HSP90AA1: variants seen among roughly 807,000 people sequenced by gnomAD.
HSP90AA1 encodes heat shock protein 90 alpha family class A member 1, also known as heat shock protein HSP 90-alpha.
In HSP90AA1, 18 loss-of-function variants were observed where a neutral mutation model predicts 73.3. The ratio of observed to expected loss-of-function variants is 0.25; its 90% CI spans 0.17 to 0.36. The LOEUF (loss-of-function observed/expected upper bound fraction) is 0.36. HSP90AA1 is among the 10% of genes least tolerant of loss of function. The pLI, the probability that HSP90AA1 is intolerant of heterozygous loss-of-function variation, is 1.00. For synonymous variants in HSP90AA1, 477 were observed against 296.9 expected, an observed-to-expected ratio of 1.61 and a Z score of -6.24; for missense variants, 704 against 874.2, an observed-to-expected ratio of 0.81 and a Z score of 2.45.
At chr14:102,096,576 C>T (rs1035654621) in intron 2 of HSP90AA1, among the ~76,000 whole-genome samples, 1 of 152,238 alleles carries the variant, frequency 6.6e-6, no homozygotes, top group African/African-American at 2.4e-5. Flanking sequence ...GCCAAATTCA[C>T]TCTGGATGCC....
intron 2 of HSP90AA1, among the ~76,000 whole-genome samples, chr14:102,096,743 G>A (rs1243241838): frequency 3.3e-5 from 5 of 152,212 alleles, no homozygotes; most frequent in Non-Finnish European, 7.3e-5. Flanking sequence ...CCCAAAGGCC[G>A]TGATAAACCT....
chr14:102,116,178 C>T (rs1220382771), intron 1 of HSP90AA1, among the ~76,000 whole-genome samples: 1 of 151,984 alleles, frequency 6.6e-6, no homozygotes, highest in Non-Finnish European at 1.5e-5. Flanking sequence ...TGGTCTCGAT[C>T]TCCTGACCTC....
rs375492660 is a variant in HSP90AA1 at position 102,081,469 on chromosome 14, G to A, written c.*243C>T. On this transcript the variant is annotated 3_prime_UTR_variant, in exon 11 of 11. Transcript: ENST00000216281. ...CATCATGTTACATACGTCTTACAGT[G>A]CACGTTACCCCAATCTGTGAAAATA... The A allele has an allele frequency of 1.7e-6, 1 of 573,884 alleles. No individual in the cohort carries two copies. Among genetic ancestry groups the A allele is most frequent in the Non-Finnish European group, 3.1e-6 (1 of 322,142 alleles). The allele number at this position is 573,884 out of a possible 1,614,324, so 35.5% of individuals were successfully genotyped here.
At position 102,086,350 on chromosome 14, in the gene HSP90AA1, T is replaced by G. The variant is rs1473027875; in HGVS notation, c.29A>C (p.Gln10Pro). 2.5e-6 allele frequency: 4 copies of G among 1,614,072 alleles called. No homozygotes were observed. The African/African-American group carries it at 4.0e-5, about 16-fold the overall frequency. MPEETQTQD[Q>P]PMEEEEVETF... ...CTCAACCTCCTCCTCCTCCATCGGT[T>G]GGTCTTGGGTCTGGGTTTCCTCAGG... Residue 10 changes from glutamine to proline, a missense_variant, in exon 2 of 11, where the codon CAA (glutamine) becomes CCA (proline). Coordinates refer to ENST00000216281, the MANE Select transcript of HSP90AA1 (RefSeq NM_005348.4).
chr14:102,094,831 CG>C (rs916263477), intron 2 of HSP90AA1, among the ~76,000 whole-genome samples: 28 of 152,074 alleles, frequency 1.8e-4, no homozygotes, highest in African/African-American at 6.8e-4. Context: ...CAGTCTGACC[CG>C]CATCCACTCT....
intron 1 of HSP90AA1, among the ~76,000 whole-genome samples, chr14:102,107,274 CCT>C (rs1312461904): frequency 1.3e-5 from 2 of 151,902 alleles, no homozygotes; most frequent in Admixed American, 1.3e-4. Context: ...TGTTAGAATC[CCT>C]GTTTCCTACA....
intron 2 of HSP90AA1, among the ~76,000 whole-genome samples, chr14:102,092,052 T>C (rs2049365621): frequency 6.6e-6 from 1 of 152,068 alleles, no homozygotes; most frequent in Non-Finnish European, 1.5e-5. Context: ...TTGGAGGTTT[T>C]TCAGATTTTT....
At chr14:102,131,290 C>G (rs899918323) in intron 1 of HSP90AA1, among the ~76,000 whole-genome samples, 2 of 152,212 alleles carry the variant, frequency 1.3e-5, no homozygotes, top group Non-Finnish European at 2.9e-5. Context: ...ATTTCTCCCA[C>G]AAGCCACATC....
chr14:102,081,344 TTTC>T lies in HSP90AA1; in HGVS notation c.*365_*367del. The T allele has an allele frequency of 2.9e-6, 1 of 344,920 alleles. No homozygotes were observed. The highest frequency in any genetic ancestry group is 5.4e-6 in the Non-Finnish European group (1 of 186,298). The allele number at this position is 344,920 out of a possible 1,614,324, so 21.4% of individuals were successfully genotyped here. A position where few individuals can be genotyped will look rare whatever the true frequency, so the allele number is the denominator to read the frequency against. Reference sequence around the variant, plus strand: ...GATCCTACAAGATGTAACGAATACTTTTCTAAACATCAAGATACAGCTCAGAAC... The same window carrying T: ...GATCCTACAAGATGTAACGAATACTTTAAACATCAAGATACAGCTCAGAAC... On this transcript the variant is annotated 3_prime_UTR_variant, in exon 11 of 11. Transcript: ENST00000216281.
At chr14:102,089,244 G>T (rs1321862080), upstream of HSP90AA1, among the ~76,000 whole-genome samples, 1 of 152,144 alleles carries the variant, frequency 6.6e-6, no homozygotes, top group Non-Finnish European at 1.5e-5. Context: ...TTTGTCCTTT[G>T]TTTTGGGGAC....
At chr14:102,117,523 A>T (rs2049722416) in intron 1 of HSP90AA1, among the ~76,000 whole-genome samples, 1 of 151,802 alleles carries the variant, frequency 6.6e-6, no homozygotes, top group South Asian at 2.1e-4. Flanking sequence ...TGACCTGCTT[A>T]GCAGAGAGGA....
At chr14:102,129,416 T>TGGGC (rs2152626400) in intron 1 of HSP90AA1, among the ~76,000 whole-genome samples, 1 of 152,244 alleles carries the variant, frequency 6.6e-6, no homozygotes, top group South Asian at 2.1e-4. Flanking sequence ...AAAGAAACCC[T>TGGGC]GGGCTCATTA....
intron 1 of HSP90AA1, among the ~76,000 whole-genome samples, chr14:102,110,179 T>C (rs992403102): frequency 2.0e-5 from 3 of 152,080 alleles, no homozygotes; most frequent in African/African-American, 4.8e-5. Context: ...GTGATCCACC[T>C]GCCTTGGCCT....
chr14:102,124,999 T>C (rs532414623), intron 1 of HSP90AA1, among the ~76,000 whole-genome samples: 3 of 152,266 alleles, frequency 2.0e-5, no homozygotes, highest in Non-Finnish European at 4.4e-5. Flanking sequence ...ATAATCTTTA[T>C]TTATTTTTTT....
intron 1 of HSP90AA1, among the ~76,000 whole-genome samples, chr14:102,135,572 G>A (rs1003695221): frequency 6.6e-5 from 10 of 152,262 alleles, no homozygotes; most frequent in African/African-American, 7.2e-5. Context: ...GGTGGTGCTC[G>A]TCGGGGAGGC....
Position 102,081,665 on chromosome 14 carries a change from G to T in HSP90AA1, c.*47C>A. The T allele has an allele frequency of 2.4e-6, 2 of 837,904 alleles. No homozygotes were observed. The highest frequency in any genetic ancestry group is 2.1e-6 in the Non-Finnish European group (1 of 470,796). 51.9% of individuals were successfully genotyped at this position (837,904 alleles called of 1,614,324 possible). On this transcript the variant is annotated 3_prime_UTR_variant, in exon 11 of 11. Transcript: ENST00000216281. ...AAACATCCTTGAAAATATATTATCA[G>T]AGGAATTGTAGAGTACTGAACAGGT...
At chr14:102,084,594 A>G (rs779557098) in intron 5 of HSP90AA1, 30 bp from the exon 6 acceptor site, 1 of 1,614,214 alleles carries the variant, frequency 6.2e-7, no homozygotes, top group South Asian at 1.1e-5. Flanking sequence ...CTAAGTACCA[A>G]TGAACAATGC....
chr14:102,085,793 G>C lies in HSP90AA1; in HGVS notation c.494C>G (p.Ser165Ter), dbSNP rs774838073. 6.2e-7 allele frequency: 1 copy of C among 1,613,824 alleles called. No individual in the cohort carries two copies. The highest frequency in any genetic ancestry group is 8.5e-7 in the Non-Finnish European group (1 of 1,179,868). The change falls in exon 3 of 11, where the codon TCA becomes TGA. Residue 165 changes from serine (S) to a stop codon, truncating the protein, a stop_gained. Coordinates refer to ENST00000216281, the MANE Select transcript of HSP90AA1 (RefSeq NM_005348.4). LOFTEE classifies it high-confidence loss of function. ...NDDEQYAWES[S>*]AGGSFTVRTD... ...CCTCACTGTGAATGATCCCCCTGCT[G>C]AGGACTCCCAAGCGTACTGCTCATC...
intron 1 of HSP90AA1, among the ~76,000 whole-genome samples, chr14:102,113,141 A>C (rs2049662437): frequency 6.6e-6 from 1 of 151,784 alleles, no homozygotes. Context: ...CTCCTGCCTC[A>C]ATCTCCCAAG....
Sources: allele counts gnomAD v4.1 joint callset (sites outside exome capture counted in the v4.1 genomes callset), GRCh38; gene constraint gnomAD v4.1.1; transcripts MANE v1.5; gene names NCBI Gene and HGNC (gene_info 2026-07-23, HGNC 2026-07-21).